Variants in PRR14L observed in about 807,000 individuals in gnomAD.
PRR14L encodes proline rich 14 like.
Under a neutral mutation model 155.0 loss-of-function variants are expected in PRR14L, and 80 were observed. That is an observed-to-expected ratio of 0.52 (90% CI 0.43 to 0.62). PRR14L has a LOEUF of 0.62. Among genes scored for constraint, PRR14L ranks in the 20% least tolerant of loss-of-function variants. PRR14L has a pLI of 0.00. For missense variants in PRR14L, 2,469 were observed against 2,548.0 expected (o/e 0.97, Z 0.67); for synonymous variants, 883 against 916.0 (o/e 0.96, Z 0.65).
chr22:31,694,023 T>C (rs1275501089), intron 7 of PRR14L, among the ~76,000 whole-genome samples: 1 of 152,212 alleles, frequency 6.6e-6, no homozygotes, highest in African/African-American at 2.4e-5. Flanking sequence ...ACGCCTGTAG[T>C]CCTAGCACTT....
intron 3 of PRR14L, among the ~76,000 whole-genome samples, chr22:31,724,348 GT>G (rs1260459375): frequency 6.6e-6 from 1 of 152,218 alleles, no homozygotes; most frequent in Non-Finnish European, 1.5e-5. Context: ...CACGAAACAG[GT>G]TCCTGACTCC....
chr22:31,729,879 C>T (rs1430662221), intron 2 of PRR14L, among the ~76,000 whole-genome samples: 1 of 152,040 alleles, frequency 6.6e-6, no homozygotes, highest in Non-Finnish European at 1.5e-5. Context: ...TGTGACTGAA[C>T]TGCATATTTT....
chr22:31,728,063 A>G (rs1569500035), intron 2 of PRR14L, among the ~76,000 whole-genome samples: 1 of 152,066 alleles, frequency 6.6e-6, no homozygotes, highest in Non-Finnish European at 1.5e-5. Flanking sequence ...ACCTCCCCCA[A>G]CAGCCTTACC....
In PRR14L at chr22:31,729,896, G is replaced by A. The variant is rs2074738644; in HGVS notation, c.475-4286C>T. On this transcript the variant is annotated intron_variant, in intron 2 of 8. Coordinates refer to ENST00000327423, the MANE Select transcript of PRR14L (RefSeq NM_173566.3). Reference sequence around the variant, plus strand: ...TGACTGAACTGCATATTTTTGGGCCGAGCACGGTGGTTCACGCCTGTAATC... The same window carrying A: ...TGACTGAACTGCATATTTTTGGGCCAAGCACGGTGGTTCACGCCTGTAATC... Among the ~76,000 whole-genome samples, 4 of 152,022 alleles carry A rather than the reference G, an allele frequency of 2.6e-5. No individual in the cohort carries two copies. In the South Asian group the frequency reaches 6.2e-4, roughly 24 times the overall value.
At chr22:31,705,940 G>A (rs555520029) in intron 4 of PRR14L, among the ~76,000 whole-genome samples, 33 of 152,048 alleles carry the variant, frequency 2.2e-4, no homozygotes, top group African/African-American at 7.5e-4. Context: ...GGAGGAGATT[G>A]TAGTAAGCTG....
At position 31,738,536 on chromosome 22, in the gene PRR14L, C is replaced by T; in HGVS notation, c.325G>A (p.Asp109Asn). The T allele has an allele frequency of 6.4e-7, 1 of 1,552,032 alleles. No homozygotes were observed. Among genetic ancestry groups the T allele is most frequent in the African/African-American group, 1.4e-5 (1 of 73,174 alleles). The change falls in exon 2 of 9, where the codon GAT (aspartate) becomes AAT (asparagine). Residue 109 changes from aspartate to asparagine, a missense_variant. Around this residue, in one of 2 missense-constraint regions of PRR14L, gnomAD observed 2,363 missense variants for 2,371.6 expected, o/e 1.00. Coordinates refer to ENST00000327423, the MANE Select transcript of PRR14L (RefSeq NM_173566.3). ...AGGSVASGILDRAKRSESMEP... is the reference protein window; with the variant it reads ...AGGSVASGILNRAKRSESMEP... ...ATGCTCTCGCTTCTCTTTGCCCTATCCAAGATCCCAGATGCCACAGAACCT... is the reference window on the plus strand; with the variant it reads ...ATGCTCTCGCTTCTCTTTGCCCTATTCAAGATCCCAGATGCCACAGAACCT...
intron 1 of PRR14L, among the ~76,000 whole-genome samples, chr22:31,746,713 G>C (rs1313341559): frequency 6.6e-6 from 1 of 151,704 alleles, no homozygotes; most frequent in African/African-American, 2.4e-5. Context: ...TATTATTCCA[G>C]TAAAAGTAGA....
intron 4 of PRR14L, among the ~76,000 whole-genome samples, chr22:31,709,529 T>TG (rs1178996597): frequency 1.5e-5 from 2 of 129,238 alleles, no homozygotes; most frequent in African/African-American, 2.9e-5. Flanking sequence ...CAGACGCCTG[T>TG]GGGGTTTTTT....
At chr22:31,739,010 T>C (rs1474167888) in intron 1 of PRR14L, 99 bp from the exon 2 acceptor site, 1 of 576,262 alleles carries the variant, frequency 1.7e-6, no homozygotes, top group Non-Finnish European at 3.0e-6. Flanking sequence ...AAATAAGTTC[T>C]ACTTTAAATG....
At chr22:31,687,356 C>CTT (rs528409088) in intron 8 of PRR14L, among the ~76,000 whole-genome samples, 1 of 126,232 alleles carries the variant, frequency 7.9e-6, no homozygotes, top group African/African-American at 2.9e-5. Flanking sequence ...TTTCTTTCTT[C>CTT]TTTTTTTTTT....
In PRR14L at chr22:31,685,543, T is replaced by C. The variant is rs746108011; in HGVS notation, c.6440A>G (p.Gln2147Arg). ...AATCGCTTCTCAACAGCCTGATGAT[T>C]GTTCCTGCTCCTCTTCCTTGGCAAA... ...TFFAKEEEQEQSSGC is the reference protein window; with the variant it reads ...TFFAKEEEQERSSGC Residue 2147 changes from glutamine (Q) to arginine (R), a missense_variant, in exon 9 of 9, where the codon CAA becomes CGA. Coordinates refer to ENST00000327423, the MANE Select transcript of PRR14L (RefSeq NM_173566.3). The C allele has an allele frequency of 1.3e-6, 2 of 1,550,564 alleles. No homozygotes were observed. Among genetic ancestry groups the C allele is most frequent in the Non-Finnish European group, 1.7e-6 (2 of 1,145,918 alleles).
intron 7 of PRR14L, among the ~76,000 whole-genome samples, chr22:31,700,767 G>A (rs1009039926): frequency 9.9e-5 from 15 of 152,086 alleles, no homozygotes; most frequent in Admixed American, 2.0e-4. Flanking sequence ...TGTTGGTCAG[G>A]CTGGTCTCAA....
chr22:31,717,233 C>A lies in PRR14L; in HGVS notation c.606G>T (p.Met202Ile), dbSNP rs1433584763. The change falls in exon 4 of 9, where the codon ATG becomes ATT. Residue 202 changes from methionine (M) to isoleucine (I), a missense_variant. Around this residue, in one of 2 missense-constraint regions of PRR14L, gnomAD observed 2,363 missense variants for 2,371.6 expected, o/e 1.00. Transcript: ENST00000327423. ...TLLKSAEVQG[M>I]KVNGTKTDNN... Reference sequence around the variant, plus strand: ...TATCCGTCTTAGTCCCATTGACCTTCATACCTTGTACTTCGGCGGATTTTA... The same window carrying A: ...TATCCGTCTTAGTCCCATTGACCTTAATACCTTGTACTTCGGCGGATTTTA... The A allele has an allele frequency of 2.6e-6, 4 of 1,551,836 alleles. No homozygotes were observed. Among genetic ancestry groups the A allele is most frequent in the Admixed American group, 3.9e-5 (2 of 50,992 alleles).
intron 2 of PRR14L, among the ~76,000 whole-genome samples, chr22:31,729,555 G>A (rs990349957): frequency 1.4e-4 from 22 of 152,166 alleles, no homozygotes; most frequent in African/African-American, 4.6e-4. Context: ...ACGATCCTAA[G>A]ACAGGAAATT....
chr22:31,709,841 T>TC (rs1293239549), intron 4 of PRR14L, among the ~76,000 whole-genome samples: 3 of 151,562 alleles, frequency 2.0e-5, no homozygotes, highest in Non-Finnish European at 4.4e-5. Context: ...GTGCCCAGCT[T>TC]CCAGGATGGT....
rs1411056919 is a variant in PRR14L at position 31,713,677 on chromosome 22, T to C, written c.4162A>G (p.Lys1388Glu). 31 of 1,552,040 alleles carry C rather than the reference T, an allele frequency of 2.0e-5. No homozygotes were observed. Among genetic ancestry groups the C allele is most frequent in the Non-Finnish European group, 2.6e-5 (30 of 1,147,104 alleles). Residue 1388 changes from lysine (K) to glutamate (E), a missense_variant, in exon 4 of 9, where the codon AAA (lysine) becomes GAA (glutamate). This residue lies in a region of PRR14L where 2,363 missense variants were observed against 2,371.6 expected (regional missense o/e 1.00). Coordinates refer to ENST00000327423, the MANE Select transcript of PRR14L (RefSeq NM_173566.3). ...KCRGILNHAEKQQSPEVLDYM... is the reference protein window; with the variant it reads ...KCRGILNHAEEQQSPEVLDYM... ...TCCAAAACCTCAGGGCTCTGCTGTT[T>C]TTCAGCATGATTAAGTATCCCCCGG...
In PRR14L at chr22:31,735,671, T is replaced by G. The variant is rs984692051; in HGVS notation, c.474+2716A>C. 1.1e-4 allele frequency among the ~76,000 whole-genome samples: 16 copies of G among 151,560 alleles called. 2 individuals carry two copies. Among genetic ancestry groups the G allele is most frequent in the Middle Eastern group, 3.4e-3 (1 of 294 alleles). ...AAAAAAAAAAAAGAAACTTTTCTTGTTAGACTCAGCCCACCACATCAAGAA... is the reference window on the plus strand; with the variant it reads ...AAAAAAAAAAAAGAAACTTTTCTTGGTAGACTCAGCCCACCACATCAAGAA... On this transcript the variant is annotated intron_variant, in intron 2 of 8. Transcript: ENST00000327423.
chr22:31,723,954 C>G (rs2147869105), intron 3 of PRR14L, among the ~76,000 whole-genome samples: 1 of 152,356 alleles, frequency 6.6e-6, no homozygotes, highest in South Asian at 2.1e-4. Flanking sequence ...GTGAGCAAAG[C>G]TTCATCTGCA....
At chr22:31,732,078 G>C (rs1478121505) in intron 2 of PRR14L, among the ~76,000 whole-genome samples, 1 of 152,146 alleles carries the variant, frequency 6.6e-6, no homozygotes, top group Non-Finnish European at 1.5e-5. Context: ...TTTCAGGATA[G>C]GTAATCAAAT....
Sources: allele counts gnomAD v4.1 joint callset (sites outside exome capture counted in the v4.1 genomes callset), GRCh38; gene constraint gnomAD v4.1.1; regional missense constraint gnomAD v4.1.1; transcripts MANE v1.5; gene names NCBI Gene and HGNC (gene_info 2026-07-23, HGNC 2026-07-21).